Variants in AHNAK observed in about 807,000 individuals in gnomAD.
AHNAK encodes AHNAK nucleoprotein, also known as neuroblast differentiation-associated protein AHNAK.
AHNAK carries 23 observed loss-of-function variants against 37.8 expected under a neutral mutation model. That is an observed-to-expected ratio of 0.61 (90% confidence interval 0.44 to 0.86). The LOEUF (loss-of-function observed/expected upper bound fraction) is 0.86, where lower values mean the gene tolerates loss of function less well. Among genes scored for constraint, AHNAK ranks in the 40% least tolerant of loss-of-function variants. The pLI, the probability that AHNAK is intolerant of heterozygous loss-of-function variation, is 0.00. For synonymous variants in AHNAK, 2,481 were observed against 2,636.3 expected, an observed-to-expected ratio of 0.94 and a Z score of 1.80; for missense variants, 7,411 against 7,319.4, an observed-to-expected ratio of 1.01 and a Z score of -0.46.
In AHNAK at chr11:62,531,513, C is replaced by T. The variant is rs142289270; in HGVS notation, c.2904G>A (p.Val968=). The T allele has an allele frequency of 6.4e-5, 104 of 1,614,084 alleles. No individual in the cohort carries two copies. The highest frequency in any genetic ancestry group is 8.1e-5 in the Non-Finnish European group (95 of 1,180,058). Residue 968 remains valine (V), a synonymous_variant, in exon 5 of 5, where the codon GTG becomes GTA. Coordinates refer to ENST00000378024, the MANE Select transcript of AHNAK (RefSeq NM_001620.3). ...PKVKGEYDMT[V]PKLEGDLKGP... ...CTTTCAGGTCCCCTTCCAGCTTTGG[C>T]ACTGTCATATCATATTCTCCCTTTA...
intron 5 of AHNAK, among the ~76,000 whole-genome samples, chr11:62,450,974 G>A (rs1938525280): frequency 6.6e-6 from 1 of 151,834 alleles, no homozygotes; most frequent in Non-Finnish European, 1.5e-5. Context: ...GGGAGGCCAA[G>A]GCGGGAGGAG....
At chr11:62,468,501 G>A (rs1938964255) in intron 5 of AHNAK, among the ~76,000 whole-genome samples, 1 of 152,094 alleles carries the variant, frequency 6.6e-6, no homozygotes, top group African/African-American at 2.4e-5. Context: ...GGTTTGGACT[G>A]AGCTCCTGCC....
In AHNAK at chr11:62,526,531, A is replaced by G; in HGVS notation, c.7886T>C (p.Val2629Ala). Residue 2629 changes from valine (V) to alanine (A), a missense_variant, in exon 5 of 5, where the codon GTT becomes GCT. Transcript: ENST00000378024. ...KVDINAPDVG[V>A]QGPDWHLKMP... ...CTTCAGGTGCCAGTCTGGGCCTTGA[A>G]CACCCACATCTGGGGCATTAATATC... The G allele has an allele frequency of 6.2e-7, 1 of 1,611,758 alleles. No homozygotes were observed.
chr11:62,481,937 G>A (rs1046316529), intron 5 of AHNAK, among the ~76,000 whole-genome samples: 1 of 151,922 alleles, frequency 6.6e-6, no homozygotes, highest in Admixed American at 6.6e-5. Context: ...ATCCATCTCC[G>A]CCCTCTTGCC....
At chr11:62,471,417 C>T (rs569034079) in intron 5 of AHNAK, among the ~76,000 whole-genome samples, 5 of 152,216 alleles carry the variant, frequency 3.3e-5, no homozygotes, top group South Asian at 2.1e-4. Context: ...TCAGGTGATC[C>T]GCCCACCTCA....
At chr11:62,441,950 C>A (rs186257964) in intron 5 of AHNAK, among the ~76,000 whole-genome samples, 31 of 152,256 alleles carry the variant, frequency 2.0e-4, no homozygotes, top group African/African-American at 7.2e-4. Flanking sequence ...AGGGCTGTCA[C>A]CCCCAGCATC....
Position 62,532,074 on chromosome 11 carries a change from G to A in AHNAK, c.2343C>T (p.Ser781=), listed in dbSNP as rs114762806. 4.5e-5 allele frequency: 71 copies of A among 1,593,492 alleles called. No homozygotes were observed. Among genetic ancestry groups the A allele is most frequent in the South Asian group, 2.4e-4 (21 of 89,238 alleles). The change falls in exon 5 of 5, where the codon TCC becomes TCT. Residue 781 remains serine, a synonymous_variant. Coordinates refer to ENST00000378024, the MANE Select transcript of AHNAK (RefSeq NM_001620.3). ...GAGCAGTAACATCTATCTTGGGCCC[G>A]GAAATGTCCACATCAGCCTTGGGCA... ...VNLPKADVDI[S]GPKIDVTAPD... is the part of the protein sequence containing the mutation.
chr11:62,475,767 G>C (rs1461059868), intron 5 of AHNAK, among the ~76,000 whole-genome samples: 4 of 151,676 alleles, frequency 2.6e-5, no homozygotes, highest in Non-Finnish European at 5.9e-5. Flanking sequence ...ATCACACCCA[G>C]CTAATTTTTG....
Position 62,518,487 on chromosome 11 carries a change from A to G in AHNAK, c.15930T>C (p.Ser5310=). Residue 5310 remains serine, a synonymous_variant, in exon 5 of 5, where the codon AGT becomes AGC. Transcript: ENST00000378024. ...CAGATGCATCCAGGTCTCCCTTCAA[A>G]CTTGGTCCTTTCAAGTTCAGATCAA... The part of the protein sequence containing the change: ...PDLDLNLKGP[S]LKGDLDASVP... 6.2e-7 allele frequency: 1 copy of G among 1,613,962 alleles called. No homozygotes were observed. The highest frequency in any genetic ancestry group is 1.6e-4 in the Middle Eastern group (1 of 6,062).
chr11:62,499,802 A>G lies in AHNAK; in HGVS notation c.343-7971T>C, dbSNP rs573823982. Among the ~76,000 whole-genome samples the G allele has an allele frequency of 3.3e-5, 5 of 152,360 alleles. 1 individual carries two copies. The East Asian group carries it at 9.6e-4, about 29-fold the overall frequency. On this transcript the variant is annotated intron_variant, in intron 4 of 5. Coordinates refer to the AHNAK transcript ENST00000257247. ...GACAGAGGATAGCTGGTAAAGGGAA[A>G]GTGAGTAAGTGGAAGGAAGTCCATG...
Position 62,525,523 on chromosome 11 carries a change from A to T in AHNAK, c.8894T>A (p.Met2965Lys), listed in dbSNP as rs1940445319. Residue 2965 changes from methionine to lysine, a missense_variant, in exon 5 of 5, where the codon ATG becomes AAG. Met to Lys is a moderately conservative substitution (Grantham distance 95). Coordinates refer to ENST00000378024, the MANE Select transcript of AHNAK (RefSeq NM_001620.3). Reference protein sequence around the residue: ...EMNIKAPKIPMPDFDLHLKGP... With the variant: ...EMNIKAPKIPKPDFDLHLKGP... ...TTTCAGATGCAAATCAAAGTCAGGC[A>T]TGGGGATCTTGGGGGCTTTGATATT... The T allele has an allele frequency of 1.2e-6, 2 of 1,613,720 alleles. No homozygotes were observed. The highest frequency in any genetic ancestry group is 1.3e-5 in the African/African-American group (1 of 74,778).
At position 62,527,399 on chromosome 11, in the gene AHNAK, C is replaced by T. The variant is rs1231212681; in HGVS notation, c.7018G>A (p.Glu2340Lys). 1.2e-6 allele frequency: 2 copies of T among 1,614,194 alleles called. No individual in the cohort carries two copies. Among genetic ancestry groups the T allele is most frequent in the African/African-American group, 2.7e-5 (2 of 75,048 alleles). Residue 2340 changes from glutamate (E) to lysine (K), a missense_variant, in exon 5 of 5, where the codon GAG becomes AAG. Transcript: ENST00000378024. ...VDVSAPKLEG[E>K]LKGPELDVKG... ...ACATCCAATTCTGGACCTTTTAACTCTCCCTCCAGCTTTGGGGCAGAAACA... is the reference window on the plus strand; with the variant it reads ...ACATCCAATTCTGGACCTTTTAACTTTCCCTCCAGCTTTGGGGCAGAAACA...
In AHNAK at chr11:62,532,189, G is replaced by A. The variant is rs1273085434; in HGVS notation, c.2228C>T (p.Pro743Leu). 1.2e-6 allele frequency: 2 copies of A among 1,614,108 alleles called. No homozygotes were observed. The highest frequency in any genetic ancestry group is 1.7e-6 in the Non-Finnish European group (2 of 1,180,022). Reference protein sequence around the residue: ...IDAPDVDVHGPDWHLKMPKMK... With the variant: ...IDAPDVDVHGLDWHLKMPKMK... ...CTTGGGCATCTTCAAGTGCCAGTCT[G>A]GGCCATGAACATCCACATCTGGGGC... Residue 743 changes from proline (P) to leucine (L), a missense_variant, in exon 5 of 5, where the codon CCA becomes CTA. Coordinates refer to ENST00000378024, the MANE Select transcript of AHNAK (RefSeq NM_001620.3).
intron 5 of AHNAK, among the ~76,000 whole-genome samples, chr11:62,464,698 G>T (rs917207706): frequency 1.3e-5 from 2 of 151,920 alleles, no homozygotes; most frequent in African/African-American, 4.8e-5. Flanking sequence ...AAGTATGGTG[G>T]CATGTACCTG....
intron 5 of AHNAK, among the ~76,000 whole-genome samples, chr11:62,458,034 C>T (rs1207531372): frequency 6.6e-6 from 1 of 151,900 alleles, no homozygotes; most frequent in Non-Finnish European, 1.5e-5. Flanking sequence ...CTGCCTCAGC[C>T]TCCCGAGTAG....
At chr11:62,496,502 T>C (rs1939610906) in intron 4 of AHNAK, among the ~76,000 whole-genome samples, 1 of 152,104 alleles carries the variant, frequency 6.6e-6, no homozygotes, top group African/African-American at 2.4e-5. Context: ...TGATGTAATC[T>C]TGAAAGCAGG....
intron 5 of AHNAK, among the ~76,000 whole-genome samples, chr11:62,465,356 T>TG (rs1243131042): frequency 1.3e-5 from 2 of 152,224 alleles, no homozygotes; most frequent in Admixed American, 1.3e-4. Context: ...GGCTCACGCC[T>TG]GTAATCCCAG....
At chr11:62,491,745 G>A (rs1939507530) in exon 5 of AHNAK, 5 of 1,611,256 alleles carry the variant, frequency 3.1e-6, no homozygotes, top group Non-Finnish European at 2.5e-6. Flanking sequence ...CATTTGGGGT[G>A]GAGACTGAAA....
intron 5 of AHNAK, among the ~76,000 whole-genome samples, chr11:62,448,236 A>G (rs1938459298): frequency 2.6e-5 from 4 of 152,192 alleles, no homozygotes; most frequent in Admixed American, 2.6e-4. Flanking sequence ...TGTAAGCCAC[A>G]GGAAGATGGT....
Sources: allele counts gnomAD v4.1 joint callset (sites outside exome capture counted in the v4.1 genomes callset), GRCh38; gene constraint gnomAD v4.1.1; transcripts MANE v1.5; gene names NCBI Gene and HGNC (gene_info 2026-07-23, HGNC 2026-07-21).